Variants in ITPR2 observed in about 807,000 individuals in gnomAD.
ITPR2 encodes the protein inositol 1,4,5-trisphosphate-gated calcium channel ITPR2.
In ITPR2, 207 loss-of-function variants were observed where a neutral mutation model predicts 317.1. The ratio of observed to expected loss-of-function variants is 0.65; its 90% CI spans 0.58 to 0.73. The LOEUF (loss-of-function observed/expected upper bound fraction) is 0.73, where lower values mean the gene tolerates loss of function less well. Among genes scored for constraint, ITPR2 ranks in the 30% least tolerant of loss-of-function variants. The pLI is 0.00. For missense variants in ITPR2, 2,613 were observed against 3,284.0 expected (o/e 0.80, Z 4.99); for synonymous variants, 1,156 against 1,149.1 (o/e 1.01, Z -0.12).
At chr12:26,549,371 T>C (rs1013348732) in intron 37 of ITPR2, among the ~76,000 whole-genome samples, 2 of 152,194 alleles carry the variant, frequency 1.3e-5, no homozygotes, top group Middle Eastern at 3.2e-3. Flanking sequence ...TAAGTTTCCA[T>C]TGCATTTTTT....
chr12:26,500,273 G>T, intron 37 of ITPR2, among the ~76,000 whole-genome samples: 1 of 152,188 alleles, frequency 6.6e-6, no homozygotes, highest in South Asian at 2.1e-4. Flanking sequence ...CAGAAATTCT[G>T]GTGCCAGGGT....
chr12:26,363,130 T>A (rs1275980858), intron 55 of ITPR2, among the ~76,000 whole-genome samples: 1 of 152,204 alleles, frequency 6.6e-6, no homozygotes, highest in Non-Finnish European at 1.5e-5. Flanking sequence ...ATCGCCTGCA[T>A]TACCGCCTGA....
chr12:26,519,854 G>A (rs756566171), intron 37 of ITPR2, among the ~76,000 whole-genome samples: 9 of 152,162 alleles, frequency 5.9e-5, no homozygotes, highest in African/African-American at 9.7e-5. Context: ...CAAAATCAAC[G>A]AGATATATTA....
At chr12:26,717,573 T>C (rs1253480716) in intron 5 of ITPR2, among the ~76,000 whole-genome samples, 1 of 152,184 alleles carries the variant, frequency 6.6e-6, no homozygotes, top group Non-Finnish European at 1.5e-5. Flanking sequence ...GCTCTCTATA[T>C]ACAGTTAAGG....
intron 37 of ITPR2, among the ~76,000 whole-genome samples, chr12:26,512,518 T>C (rs562036233): frequency 6.6e-6 from 1 of 152,308 alleles, no homozygotes; most frequent in Non-Finnish European, 1.5e-5. Context: ...GATCAAAGAC[T>C]CAAAAGAATG....
At chr12:26,490,451 A>T (rs1942773460) in intron 39 of ITPR2, among the ~76,000 whole-genome samples, 2 of 152,260 alleles carry the variant, frequency 1.3e-5, no homozygotes, top group South Asian at 4.1e-4. Context: ...AATAAAACGT[A>T]GTTTCAACCT....
intron 23 of ITPR2, among the ~76,000 whole-genome samples, chr12:26,627,068 A>G (rs760048585): frequency 2.0e-5 from 3 of 152,254 alleles, no homozygotes; most frequent in African/African-American, 7.2e-5. Flanking sequence ...TCAGAGATAA[A>G]TTAGCTTCAT....
In ITPR2 at chr12:26,715,328, TAGC is replaced by T; in HGVS notation, c.823_825del (p.Ala275del). ...ATTTCCCAGAGTGCTTTAGAACTAG[TAGC>T]AGAAGTAGCTGATTGGCGCAAGGTC... On this transcript the variant is annotated inframe_deletion, in exon 8 of 57. Transcript: ENST00000381340. The T allele has an allele frequency of 6.2e-7, 1 of 1,613,702 alleles. No homozygotes were observed. The highest frequency in any genetic ancestry group is 8.5e-7 in the Non-Finnish European group (1 of 1,179,684).
At chr12:26,715,216 C>A in intron 8 of ITPR2, 83 bp downstream of exon 8, 1 of 1,194,166 alleles carries the variant, frequency 8.4e-7, no homozygotes. Context: ...ATAAATGATG[C>A]CTATAACAAT....
Position 26,725,751 on chromosome 12 carries a change from C to A in ITPR2, c.178G>T (p.Val60Leu). The change falls in exon 3 of 57, where the codon GTG becomes TTG. Residue 60 changes from valine (V) to leucine (L), a missense_variant. Around this residue, in one of 9 missense-constraint regions of ITPR2, gnomAD observed 515 missense variants for 789.4 expected, o/e 0.65. Transcript: ENST00000381340. ...GCAGAATATCTGTTCATAGGGCACA[C>A]CTTGAAAAGGCAGTCTGTGACAAAC... ...PKKFRDCLFK[V>L]CPMNRYSAQK... 3.1e-6 allele frequency: 5 copies of A among 1,612,362 alleles called. No individual in the cohort carries two copies. The highest frequency in any genetic ancestry group is 1.1e-5 in the South Asian group (1 of 91,006).
At chr12:26,657,567 T>C (rs1947399353) in intron 18 of ITPR2, 140 bp downstream of exon 18, 2 of 665,340 alleles carry the variant, frequency 3.0e-6, no homozygotes, top group African/African-American at 1.8e-5. Context: ...TAAACAATAC[T>C]AAATATTTCA....
At chr12:26,576,427 A>G (rs1031793243) in intron 34 of ITPR2, among the ~76,000 whole-genome samples, 3 of 152,116 alleles carry the variant, frequency 2.0e-5, no homozygotes, top group Non-Finnish European at 2.9e-5. Flanking sequence ...TTGATATGAT[A>G]CATATTGTGA....
chr12:26,395,592 G>GAA (rs3837445), intron 54 of ITPR2, among the ~76,000 whole-genome samples: 4 of 151,814 alleles, frequency 2.6e-5, no homozygotes, highest in Non-Finnish European at 5.9e-5. Flanking sequence ...TTATGACCGT[G>GAA]AAAAAAAGGG....
chr12:26,695,631 T>C lies in ITPR2; in HGVS notation c.971A>G (p.Asp324Gly). ...LAAELNPDYR[D>G]AQNEGKNVRD... ...CACATTTTTTCCTTCATTTTGGGCA[T>C]CTCGATAATCAGGATTAAGCTAGAA... The change falls in exon 10 of 57, where the codon GAT becomes GGT. Residue 324 changes from aspartate to glycine, a missense_variant. Around this residue, in one of 9 missense-constraint regions of ITPR2, gnomAD observed 515 missense variants for 789.4 expected, o/e 0.65. Transcript: ENST00000381340. 1 of 1,612,928 alleles carries C rather than the reference T, an allele frequency of 6.2e-7. No homozygotes were observed.
At chr12:26,596,385 G>A (rs978710806) in intron 31 of ITPR2, among the ~76,000 whole-genome samples, 16 of 152,274 alleles carry the variant, frequency 1.1e-4, no homozygotes, top group African/African-American at 3.1e-4. Context: ...GGTGGCTCAC[G>A]CCTGTAAATC....
chr12:26,541,222 C>G (rs891300010), intron 37 of ITPR2, among the ~76,000 whole-genome samples: 2 of 151,004 alleles, frequency 1.3e-5, no homozygotes, highest in East Asian at 1.9e-4. Context: ...GAGGCTGAGA[C>G]AGGAGAATCA....
At chr12:26,475,178 C>T (rs1313600196) in intron 45 of ITPR2, 118 bp downstream of exon 45, 19 of 1,172,824 alleles carry the variant, frequency 1.6e-5, no homozygotes, top group Non-Finnish European at 2.3e-5. Flanking sequence ...TAGCCCAAAC[C>T]TAGGATGGTA....
intron 55 of ITPR2, among the ~76,000 whole-genome samples, chr12:26,371,192 A>G (rs1477137946): frequency 6.6e-6 from 1 of 152,222 alleles, no homozygotes; most frequent in Non-Finnish European, 1.5e-5. Context: ...CATTAAAAGT[A>G]TTCTTCAAGT....
At chr12:26,497,624 A>G (rs1248107638) in intron 37 of ITPR2, among the ~76,000 whole-genome samples, 2 of 152,176 alleles carry the variant, frequency 1.3e-5, no homozygotes, top group Non-Finnish European at 2.9e-5. Context: ...TAGCCTGTCT[A>G]CTAACTTATG....
Sources: allele counts gnomAD v4.1 joint callset (sites outside exome capture counted in the v4.1 genomes callset), GRCh38; gene constraint gnomAD v4.1.1; regional missense constraint gnomAD v4.1.1; transcripts MANE v1.5; gene names NCBI Gene and HGNC (gene_info 2026-07-23, HGNC 2026-07-21).